The following PTPRD variants were observed in gnomAD, a reference collection of about 807,000 sequenced individuals.
PTPRD encodes the protein protein tyrosine phosphatase receptor type D.
Under a neutral mutation model 214.5 loss-of-function variants are expected in PTPRD, and 34 were observed. That is an observed-to-expected ratio of 0.16 (90% CI 0.12 to 0.21). The LOEUF is 0.21. Ranked by LOEUF, PTPRD falls within the 10% of genes least tolerant of loss-of-function variation. The probability of loss-of-function intolerance (pLI) is 1.00; values close to 1 mark genes in which losing one functional copy is unlikely to be tolerated. For synonymous variants in PTPRD, 1,128 were observed against 845.7 expected (o/e 1.33, Z -5.79); for missense variants, 2,545 against 2,398.7 (o/e 1.06, Z -1.27).
intron 11 of PTPRD, among the ~76,000 whole-genome samples, chr9:8,989,505 G>T (rs1212494431): frequency 2.0e-5 from 3 of 152,010 alleles, no homozygotes; most frequent in African/African-American, 7.2e-5. Flanking sequence ...ATGACCTCCA[G>T]TTCCGTCAAT....
chr9:9,601,131 G>A (rs1418353176), intron 7 of PTPRD, among the ~76,000 whole-genome samples: 294 of 127,166 alleles, frequency 2.3e-3, no homozygotes, highest in African/African-American at 9.8e-3. Flanking sequence ...GTGTGTGTGT[G>A]TGTGTGTGTG....
At chr9:9,654,707 G>A (rs1182461702) in intron 7 of PTPRD, among the ~76,000 whole-genome samples, 1 of 152,162 alleles carries the variant, frequency 6.6e-6, no homozygotes, top group African/African-American at 2.4e-5. Context: ...GCTAGAAGGA[G>A]TAACAGTGTC....
intron 4 of PTPRD, among the ~76,000 whole-genome samples, chr9:9,945,634 G>A (rs73643833): frequency 0.027 from 4,163 of 152,186 alleles, 209 homozygotes; most frequent in African/African-American, 0.096. Flanking sequence ...ATGACAAGAT[G>A]TGCTCTAGTA....
intron 7 of PTPRD, among the ~76,000 whole-genome samples, chr9:9,619,075 G>T (rs2154351438): frequency 6.6e-6 from 1 of 152,244 alleles, no homozygotes; most frequent in African/African-American, 2.4e-5. Flanking sequence ...GCAATGTAGA[G>T]ATCATTGACT....
chr9:10,185,524 T>A (rs2099326257), intron 3 of PTPRD, among the ~76,000 whole-genome samples: 2 of 152,138 alleles, frequency 1.3e-5, no homozygotes, highest in South Asian at 4.1e-4. Context: ...CCTCACATAA[T>A]CCTTAGGGAA....
intron 3 of PTPRD, among the ~76,000 whole-genome samples, chr9:10,269,016 C>A (rs972998489): frequency 6.6e-6 from 1 of 152,094 alleles, no homozygotes; most frequent in African/African-American, 2.4e-5. Context: ...CAGCCACTGC[C>A]AAATATCCCC....
intron 14 of PTPRD, among the ~76,000 whole-genome samples, chr9:8,631,728 C>G (rs529238754): frequency 3.3e-5 from 5 of 151,818 alleles, no homozygotes; most frequent in African/African-American, 1.2e-4. Flanking sequence ...AGCACTAAAG[C>G]ATAAGGTCCA....
chr9:9,506,615 C>T (rs918452473), intron 8 of PTPRD, among the ~76,000 whole-genome samples: 3 of 151,324 alleles, frequency 2.0e-5, no homozygotes, highest in Non-Finnish European at 4.4e-5. Flanking sequence ...TATCATTTCT[C>T]AGCATATTCC....
At chr9:8,534,676 T>C (rs991632540) in intron 14 of PTPRD, among the ~76,000 whole-genome samples, 3 of 151,756 alleles carry the variant, frequency 2.0e-5, no homozygotes, top group African/African-American at 7.2e-5. Flanking sequence ...CATTTTAATA[T>C]ATATAATACA....
At chr9:9,333,922 A>C (rs904422230) in intron 9 of PTPRD, among the ~76,000 whole-genome samples, 1 of 151,970 alleles carries the variant, frequency 6.6e-6, no homozygotes, top group Admixed American at 6.6e-5. Flanking sequence ...ATGGAATAGA[A>C]TATTTCATAG....
intron 11 of PTPRD, among the ~76,000 whole-genome samples, chr9:8,872,538 T>C (rs2098320451): frequency 6.6e-6 from 1 of 152,208 alleles, no homozygotes; most frequent in Admixed American, 6.5e-5. Context: ...AATTATACTT[T>C]TCTCTGTCTT....
intron 2 of PTPRD, among the ~76,000 whole-genome samples, 178 bp downstream of exon 2, chr9:10,612,220 A>AAG (rs1555626941): frequency 6.6e-6 from 1 of 151,548 alleles, no homozygotes; most frequent in African/African-American, 2.4e-5. Context: ...AAAAAAAAAA[A>AAG]AAAAGAAAAA....
chr9:8,813,728 C>T (rs896703144), intron 11 of PTPRD, among the ~76,000 whole-genome samples: 1 of 152,228 alleles, frequency 6.6e-6, no homozygotes, highest in Non-Finnish European at 1.5e-5. Flanking sequence ...AAAAGGGCCA[C>T]ATTTACTCAT....
Position 8,808,786 on chromosome 9 carries a change from C to T in PTPRD, c.-103-74840G>A, listed in dbSNP as rs1384622140. Among the ~76,000 whole-genome samples the T allele has an allele frequency of 2.0e-5, 3 of 152,244 alleles. No individual in the cohort carries two copies. The East Asian group carries it at 5.8e-4, about 29-fold the overall frequency. On this transcript the variant is annotated intron_variant, in intron 11 of 45. Coordinates refer to ENST00000381196, the MANE Select transcript of PTPRD (RefSeq NM_002839.4). Reference sequence around the variant, plus strand: ...AAATGGGATGTTGATAATAGTTCTTCCTAGGACCCAGACTGGACTCAATGA... The same window carrying T: ...AAATGGGATGTTGATAATAGTTCTTTCTAGGACCCAGACTGGACTCAATGA...
intron 7 of PTPRD, among the ~76,000 whole-genome samples, chr9:9,607,710 C>T (rs2094255285): frequency 6.7e-6 from 1 of 149,882 alleles, no homozygotes; most frequent in Admixed American, 6.7e-5. Flanking sequence ...ATTGTTATTG[C>T]TGATGTTATT....
intron 11 of PTPRD, among the ~76,000 whole-genome samples, chr9:8,798,756 T>C (rs1031740112): frequency 6.6e-6 from 1 of 152,216 alleles, no homozygotes; most frequent in East Asian, 1.9e-4. Flanking sequence ...ATCTGCAATA[T>C]TGGCTCCTAC....
chr9:8,533,542 C>A (rs1347365550), intron 14 of PTPRD, among the ~76,000 whole-genome samples: 1 of 151,820 alleles, frequency 6.6e-6, no homozygotes, highest in East Asian at 1.9e-4. Flanking sequence ...AATGGCAGTA[C>A]AATAAAACAA....
chr9:9,835,081 A>G (rs1353796060), intron 5 of PTPRD, among the ~76,000 whole-genome samples: 1 of 152,080 alleles, frequency 6.6e-6, no homozygotes, highest in Non-Finnish European at 1.5e-5. Flanking sequence ...AAACTTTTCT[A>G]CTATTTGATG....
intron 10 of PTPRD, among the ~76,000 whole-genome samples, chr9:9,034,100 T>C (rs1221112627): frequency 1.3e-5 from 2 of 152,154 alleles, no homozygotes; most frequent in Non-Finnish European, 2.9e-5. Flanking sequence ...GGAATTTTAT[T>C]TACAAGTCAC....
Sources: gnomAD v4.1 joint callset for allele counts (sites outside exome capture counted in the v4.1 genomes callset) on GRCh38, gnomAD v4.1.1 for gene constraint, MANE v1.5 for transcripts, NCBI Gene and HGNC (gene_info 2026-07-23, HGNC 2026-07-21) for gene names.